The following TNS1 variants were observed in gnomAD, a reference collection of about 807,000 sequenced individuals.
TNS1 encodes tensin-1.
TNS1 carries 62 observed loss-of-function variants against 168.6 expected under a neutral mutation model. The ratio of observed to expected loss-of-function variants is 0.37; its 90% CI spans 0.30 to 0.45. The LOEUF (loss-of-function observed/expected upper bound fraction) is 0.45. Among genes scored for constraint, TNS1 ranks in the 20% least tolerant of loss-of-function variants. TNS1 has a pLI of 1.00. For synonymous variants in TNS1, 934 were observed against 933.2 expected (o/e 1.00, Z -0.02); for missense variants, 2,240 against 2,339.4 (o/e 0.96, Z 0.88).
chr2:217,818,316 C>T lies in TNS1; in HGVS notation c.4016G>A (p.Ser1339Asn). The change falls in exon 24 of 33, where the codon AGC becomes AAC. Residue 1339 changes from serine (S) to asparagine (N), a missense_variant. Transcript: ENST00000682258. ...GCTCCCCGGGGTGGTCGCTGCACTG[C>T]TCTGGGGGCTGGAGACAGTGCTACC... ...FHGSTVSSPQ[S>N]SAATTPGSPS... 6.2e-7 allele frequency: 1 copy of T among 1,613,954 alleles called. No individual in the cohort carries two copies. Among genetic ancestry groups the T allele is most frequent in the Non-Finnish European group, 8.5e-7 (1 of 1,179,962 alleles).
intron 3 of TNS1, among the ~76,000 whole-genome samples, chr2:217,942,040 A>T (rs999702069): frequency 6.6e-6 from 1 of 152,128 alleles, no homozygotes; most frequent in Non-Finnish European, 1.5e-5. Context: ...GCCCCGCTCC[A>T]CCTGGCCACC....
intron 3 of TNS1, among the ~76,000 whole-genome samples, chr2:217,974,393 C>T (rs1957841850): frequency 6.6e-6 from 1 of 152,192 alleles, no homozygotes; most frequent in Non-Finnish European, 1.5e-5. Flanking sequence ...TTTCCTCCAT[C>T]CCCTCAGCCT....
At chr2:217,879,867 G>A (rs988280355) in intron 18 of TNS1, among the ~76,000 whole-genome samples, 4 of 152,194 alleles carry the variant, frequency 2.6e-5, no homozygotes, top group Admixed American at 6.5e-5. Flanking sequence ...CCCCAGGATG[G>A]CACAGCCCCA....
chr2:217,964,904 C>T (rs1957586345), intron 3 of TNS1, among the ~76,000 whole-genome samples: 1 of 152,226 alleles, frequency 6.6e-6, no homozygotes, highest in Non-Finnish European at 1.5e-5. Context: ...CGCTAACATC[C>T]CACCCACCTG....
At chr2:217,808,494 AATGT>A in intron 31 of TNS1, 105 bp downstream of exon 31, 1 of 1,058,562 alleles carries the variant, frequency 9.4e-7, no homozygotes, top group Non-Finnish European at 1.4e-6. Flanking sequence ...CTGAATGGAG[AATGT>A]ATGCACATGC....
In TNS1 at chr2:217,809,241, A is replaced by G. The variant is rs370106189; in HGVS notation, c.5274-570T>C. 9.7e-4 allele frequency among the ~76,000 whole-genome samples: 79 copies of G among 81,226 alleles called. 2 individuals are homozygous for G. The highest frequency in any genetic ancestry group is 1.7e-3 in the South Asian group (5 of 2,890). 53.3% of individuals were successfully genotyped at this position (81,226 alleles called of 152,430 possible). A position where few individuals can be genotyped will look rare whatever the true frequency, so the allele number is the denominator to read the frequency against. ...CATGGATGGATGGATGGATGGATGG[A>G]TGGATGGATGCATGGATGGATGGAT... is the stretch of plus-strand genomic sequence containing the variant. On this transcript the variant is annotated intron_variant, in intron 30 of 32. Transcript: ENST00000682258.
chr2:217,805,619 ATACACACCATCACACC>A (rs1938740796), intron 32 of TNS1, among the ~76,000 whole-genome samples: 1 of 87,284 alleles, frequency 1.1e-5, no homozygotes, highest in East Asian at 3.5e-4. Flanking sequence ...CACCACACAC[ATACACACCATCACACC>A]CACACACATC....
chr2:217,914,247 TCC>T (rs1954751190), intron 4 of TNS1, among the ~76,000 whole-genome samples: 1 of 152,162 alleles, frequency 6.6e-6, no homozygotes. Context: ...GTTCTCCCTC[TCC>T]CACTGAACAG....
intron 3 of TNS1, among the ~76,000 whole-genome samples, chr2:217,932,969 G>A (rs932593772): frequency 2.6e-5 from 4 of 152,146 alleles, no homozygotes; most frequent in Admixed American, 6.5e-5. Context: ...AGGAGCCCCC[G>A]CAAGCAGAAA....
At position 217,995,620 on chromosome 2, in the gene TNS1, G is replaced by A. The variant is rs997191424; in HGVS notation, c.34-4564C>T. Among the ~76,000 whole-genome samples the A allele has an allele frequency of 4.6e-5, 7 of 152,094 alleles. No homozygotes were observed. The highest frequency in any genetic ancestry group is 7.2e-5 in the African/African-American group (3 of 41,408). On this transcript the variant is annotated intron_variant, in intron 1 of 32. Coordinates refer to ENST00000682258, the MANE Select transcript of TNS1 (RefSeq NM_001387777.1). The surrounding 1 kb of genome is among the most constrained non-coding windows in gnomAD (Gnocchi z 4.1). Reference sequence around the variant, plus strand: ...GTAGTGGCTTGTTAGGGCAATGATCGTCACTTTTCCTGACAAGTGGCAGAC... The same window carrying A: ...GTAGTGGCTTGTTAGGGCAATGATCATCACTTTTCCTGACAAGTGGCAGAC...
intron 24 of TNS1, among the ~76,000 whole-genome samples, chr2:217,816,767 G>A (rs1941950472): frequency 6.6e-6 from 1 of 152,096 alleles, no homozygotes; most frequent in Non-Finnish European, 1.5e-5. Context: ...TGGGCGGCAG[G>A]AAACAGGCAG....
chr2:218,002,047 C>G (rs768258580), intron 1 of TNS1, among the ~76,000 whole-genome samples: 1 of 152,216 alleles, frequency 6.6e-6, no homozygotes, highest in Non-Finnish European at 1.5e-5. Context: ...CTCTCCTCCT[C>G]TGACCCCCAG....
chr2:217,900,378 G>A, intron 7 of TNS1, 85 bp downstream of exon 7: 2 of 1,457,664 alleles, frequency 1.4e-6, no homozygotes, highest in Non-Finnish European at 1.9e-6. Context: ...CAGTCCGGGG[G>A]ACCCAGAGGC....
chr2:217,825,158 C>T (rs1399181551), intron 22 of TNS1, among the ~76,000 whole-genome samples: 1 of 152,244 alleles, frequency 6.6e-6, no homozygotes, highest in African/African-American at 2.4e-5. Context: ...CTACCCTGAT[C>T]TGCATCCCTG....
chr2:217,850,240 C>T (rs954355174), intron 18 of TNS1: 1 of 985,276 alleles, frequency 1.0e-6, no homozygotes, highest in Non-Finnish European at 1.2e-6. Flanking sequence ...TGGGGCTCAG[C>T]CAAGCCAACA....
At chr2:217,967,318 C>T (rs1166603738) in intron 3 of TNS1, among the ~76,000 whole-genome samples, 1 of 151,694 alleles carries the variant, frequency 6.6e-6, no homozygotes, top group African/African-American at 2.4e-5. Flanking sequence ...GAGACTCGGT[C>T]TCAAAAATAA....
At chr2:217,971,780 C>A (rs73080350) in intron 3 of TNS1, among the ~76,000 whole-genome samples, 1 of 152,164 alleles carries the variant, frequency 6.6e-6, no homozygotes. Context: ...ATACAGACAT[C>A]GGTTTTCTTA....
chr2:217,918,620 A>G (rs1955377888), intron 4 of TNS1, among the ~76,000 whole-genome samples: 1 of 152,214 alleles, frequency 6.6e-6, no homozygotes, highest in Non-Finnish European at 1.5e-5. Context: ...CCCAGCAGCC[A>G]GACATCTAGC....
In TNS1 at chr2:217,800,626, C is replaced by A; in HGVS notation, c.*3833G>T. On this transcript the variant is annotated 3_prime_UTR_variant, in exon 33 of 33. Coordinates refer to ENST00000682258, the MANE Select transcript of TNS1 (RefSeq NM_001387777.1). ...AAACGCGAGTCTCAGGATTCCAGGG[C>A]CTGGACCTGGGGTAAAGGGCTGCTC... 6.6e-6 allele frequency: 1 copy of A among 152,390 alleles called. No homozygotes were observed. The highest frequency in any genetic ancestry group is 1.5e-5 in the Non-Finnish European group (1 of 68,114). 9.4% of individuals were successfully genotyped at this position (152,390 alleles called of 1,614,324 possible).
Sources: allele counts gnomAD v4.1 joint callset (sites outside exome capture counted in the v4.1 genomes callset), GRCh38; gene constraint gnomAD v4.1.1; non-coding constraint Gnocchi (gnomAD v3.1); transcripts MANE v1.5; gene names NCBI Gene and HGNC (gene_info 2026-07-23, HGNC 2026-07-21).